The following BMP2K variants were observed in gnomAD, a reference collection of about 807,000 sequenced individuals.
BMP2K encodes the protein BMP2 inducible kinase, also known as BMP-2-inducible protein kinase.
Under a neutral mutation model 116.0 loss-of-function variants are expected in BMP2K, and 74 were observed. That is an observed-to-expected ratio of 0.64 (90% CI 0.53 to 0.77). The LOEUF is 0.77. Ranked by LOEUF, BMP2K falls within the 30% of genes least tolerant of loss-of-function variation. The pLI is 0.00. For missense variants in BMP2K, 1,365 were observed against 1,403.6 expected (o/e 0.97, Z 0.44); for synonymous variants, 486 against 502.5 (o/e 0.97, Z 0.44).
rs368136183 is a variant in BMP2K at position 78,833,617 on chromosome 4, T to C, written c.333T>C (p.Tyr111=). ...CTGGTCACAAAAATATTGTGGGCTA[T>C]TTGGACTGTGCTGTTAATTCAATTA... ...ELSGHKNIVG[Y]LDCAVNSISD... is the part of the protein sequence containing the mutation. Residue 111 remains tyrosine, a synonymous_variant, in exon 3 of 16, where the codon TAT becomes TAC. Coordinates refer to ENST00000502613, the MANE Select transcript of BMP2K (RefSeq NM_198892.2). 582 of 1,603,816 alleles carry C rather than the reference T, an allele frequency of 3.6e-4. No homozygotes were observed. The highest frequency in any genetic ancestry group is 4.7e-4 in the Non-Finnish European group (556 of 1,177,520).
chr4:78,864,605 C>T (rs1731956752), intron 9 of BMP2K, among the ~76,000 whole-genome samples: 1 of 151,492 alleles, frequency 6.6e-6, no homozygotes, highest in Admixed American at 6.6e-5. Flanking sequence ...AATAGGGCTC[C>T]CTCTTGTGGT....
chr4:78,795,599 A>G (rs1469364376), intron 1 of BMP2K, among the ~76,000 whole-genome samples: 1 of 152,100 alleles, frequency 6.6e-6, no homozygotes, highest in Non-Finnish European at 1.5e-5. Flanking sequence ...GAGTGAACAG[A>G]CAACCTACAA....
In BMP2K at chr4:78,912,464, C is replaced by G. The variant is rs576080480; in HGVS notation, c.*431C>G. 9.6e-5 allele frequency: 15 copies of G among 156,692 alleles called. No individual in the cohort carries two copies. The South Asian group carries it at 1.2e-3, about 12-fold the overall frequency. 9.7% of individuals were successfully genotyped at this position (156,692 alleles called of 1,614,324 possible). A position where few individuals can be genotyped will look rare whatever the true frequency, so the allele number is the denominator to read the frequency against. On this transcript the variant is annotated 3_prime_UTR_variant, in exon 16 of 16. Coordinates refer to ENST00000502613, the MANE Select transcript of BMP2K (RefSeq NM_198892.2). The stretch of plus-strand genomic sequence containing the variant: ...TACACTTGTGAATTTTTTTTAAGGT[C>G]TCTTTTAATTTCCAGACAGTTAAAA...
At chr4:78,831,406 AC>A (rs1476808151) in intron 2 of BMP2K, among the ~76,000 whole-genome samples, 1 of 152,252 alleles carries the variant, frequency 6.6e-6, no homozygotes, top group African/African-American at 2.4e-5. Flanking sequence ...CAGGATTGCC[AC>A]AAACCTTTAA....
intron 1 of BMP2K, among the ~76,000 whole-genome samples, chr4:78,810,263 G>A (rs1376245073): frequency 1.3e-5 from 2 of 152,202 alleles, no homozygotes; most frequent in East Asian, 1.9e-4. Flanking sequence ...GAGCCTTAAA[G>A]ACATCCAGAG....
intron 1 of BMP2K, among the ~76,000 whole-genome samples, chr4:78,801,934 G>T (rs1235000352): frequency 1.3e-5 from 2 of 152,136 alleles, no homozygotes; most frequent in Non-Finnish European, 2.9e-5. Context: ...TATGATCTTT[G>T]TGACTCTTTC....
intron 6 of BMP2K, among the ~76,000 whole-genome samples, chr4:78,848,908 CA>C (rs1731129320): frequency 7.7e-6 from 1 of 129,520 alleles, no homozygotes; most frequent in Non-Finnish European, 1.5e-5. Context: ...TTACTTAGCT[CA>C]GGTGAAACAC....
In BMP2K at chr4:78,845,016, A is replaced by T. The variant is rs56143363; in HGVS notation, c.635A>T (p.Asp212Val). The T allele has an allele frequency of 4.8e-4, 760 of 1,586,368 alleles. No individual in the cohort carries two copies. Among genetic ancestry groups the T allele is most frequent in the East Asian group, 3.7e-3 (164 of 44,536 alleles). The change falls in exon 5 of 16, where the codon GAT becomes GTT. Residue 212 changes from aspartate (D) to valine (V), a missense_variant. Asp to Val is a radical substitution (Grantham distance 152). Around this residue, in one of 3 missense-constraint regions of BMP2K, gnomAD observed 762 missense variants for 756.7 expected, o/e 1.01. Transcript: ENST00000502613. Reference protein sequence around the residue: ...ATNKFLNPQKDGVNVVEEEIK... With the variant: ...ATNKFLNPQKVGVNVVEEEIK... The stretch of plus-strand genomic sequence containing the variant: ...AATAAATTTCTTAATCCTCAAAAAG[A>T]TGGAGTTAATGTAGTAGAAGAAGAA...
chr4:78,835,921 T>C lies in BMP2K; in HGVS notation c.403+2234T>C, dbSNP rs192181237. Among the ~76,000 whole-genome samples the C allele has an allele frequency of 1.6e-4, 25 of 152,288 alleles. No individual in the cohort carries two copies. The East Asian group carries it at 4.6e-3, about 28-fold the overall frequency. On this transcript the variant is annotated intron_variant, in intron 3 of 15. Coordinates refer to ENST00000502613, the MANE Select transcript of BMP2K (RefSeq NM_198892.2). ...TACTTTTGATGTTTTAGATATTGTC[T>C]CTAAGAAAAGATAGGAATTTTACTT... is the stretch of plus-strand genomic sequence containing the variant.
At chr4:78,853,846 A>T (rs914899922) in intron 7 of BMP2K, among the ~76,000 whole-genome samples, 1 of 152,192 alleles carries the variant, frequency 6.6e-6, no homozygotes, top group African/African-American at 2.4e-5. Context: ...TTAATACTAT[A>T]GTCATTATTA....
At chr4:78,814,166 T>A (rs1046447107) in intron 1 of BMP2K, among the ~76,000 whole-genome samples, 1 of 152,160 alleles carries the variant, frequency 6.6e-6, no homozygotes, top group Non-Finnish European at 1.5e-5. Flanking sequence ...GGTGTAGACA[T>A]CTGTTTCCCT....
intron 1 of BMP2K, among the ~76,000 whole-genome samples, chr4:78,812,507 T>G (rs1729140229): frequency 1.3e-5 from 2 of 152,216 alleles, no homozygotes; most frequent in African/African-American, 4.8e-5. Flanking sequence ...GCTGTTGATA[T>G]TCTGCCTACA....
At chr4:78,834,593 A>T (rs1209518081) in intron 3 of BMP2K, among the ~76,000 whole-genome samples, 1 of 152,134 alleles carries the variant, frequency 6.6e-6, no homozygotes, top group Non-Finnish European at 1.5e-5. Context: ...AGGTGGAGGC[A>T]AATATTCTAT....
chr4:78,809,800 A>G (rs1728999406), intron 1 of BMP2K, among the ~76,000 whole-genome samples: 1 of 151,326 alleles, frequency 6.6e-6, no homozygotes, highest in South Asian at 2.1e-4. Context: ...TAGTTCTTTG[A>G]ACATATTTGT....
chr4:78,813,830 A>G (rs1430494000), intron 1 of BMP2K, among the ~76,000 whole-genome samples: 8 of 152,142 alleles, frequency 5.3e-5, no homozygotes, highest in Non-Finnish European at 8.8e-5. Context: ...GTTGTCTTCT[A>G]TGTACTGTAT....
In BMP2K at chr4:78,911,715, G is replaced by A. The variant is rs766766696; in HGVS notation, c.3168G>A (p.Gly1056=). The A allele has an allele frequency of 1.9e-6, 3 of 1,613,960 alleles. No homozygotes were observed. The South Asian group carries it at 3.3e-5, about 18-fold the overall frequency. The change falls in exon 16 of 16, where the codon GGG becomes GGA. Residue 1056 remains glycine (G), a synonymous_variant. Coordinates refer to ENST00000502613, the MANE Select transcript of BMP2K (RefSeq NM_198892.2). ...CACTGACTGATGGGAAAGATAGGGG[G>A]AATGTCTTACAACCTGAGGAGAGCC... ...SVALTDGKDR[G]NVLQPEESLL...
intron 15 of BMP2K, among the ~76,000 whole-genome samples, chr4:78,887,703 C>A (rs975536594): frequency 6.6e-6 from 1 of 151,800 alleles, no homozygotes; most frequent in Non-Finnish European, 1.5e-5. Flanking sequence ...TTCTTATATC[C>A]CTCTTTTGAT....
intron 1 of BMP2K, among the ~76,000 whole-genome samples, chr4:78,814,036 A>C (rs1004301772): frequency 2.0e-5 from 3 of 152,238 alleles, no homozygotes; most frequent in African/African-American, 7.2e-5. Context: ...CAGATGCTCC[A>C]GCAATGTAAG....
At chr4:78,807,132 G>C (rs1225244449) in intron 1 of BMP2K, among the ~76,000 whole-genome samples, 2 of 152,114 alleles carry the variant, frequency 1.3e-5, no homozygotes, top group African/African-American at 4.8e-5. Flanking sequence ...GATTATAGGT[G>C]GGAGCCACCG....
Sources: allele counts gnomAD v4.1 joint callset (sites outside exome capture counted in the v4.1 genomes callset), GRCh38; gene constraint gnomAD v4.1.1; regional missense constraint gnomAD v4.1.1; transcripts MANE v1.5; gene names NCBI Gene and HGNC (gene_info 2026-07-23, HGNC 2026-07-21).